Variants in PRKCQ observed in about 807,000 individuals in gnomAD.
PRKCQ encodes protein kinase C theta type.
PRKCQ carries 41 observed loss-of-function variants against 91.2 expected under a neutral mutation model. The ratio of observed to expected loss-of-function variants is 0.45; its 90% CI spans 0.35 to 0.58. PRKCQ has a LOEUF of 0.58. Ranked by LOEUF, PRKCQ falls within the 20% of genes least tolerant of loss-of-function variation. The probability of loss-of-function intolerance (pLI) is 0.00; values close to 1 mark genes in which losing one functional copy is unlikely to be tolerated. For missense variants in PRKCQ, 673 were observed against 896.5 expected, an observed-to-expected ratio of 0.75 and a Z score of 3.18; for synonymous variants, 307 against 316.9, an observed-to-expected ratio of 0.97 and a Z score of 0.33.
At chr10:6,455,032 T>A (rs1304352636) in intron 15 of PRKCQ, among the ~76,000 whole-genome samples, 8 of 151,998 alleles carry the variant, frequency 5.3e-5, no homozygotes, top group Non-Finnish European at 1.2e-4. Context: ...CACACCAAGG[T>A]GTTGCAAGGT....
chr10:6,563,530 C>T (rs898904706), intron 1 of PRKCQ, among the ~76,000 whole-genome samples: 19 of 152,298 alleles, frequency 1.2e-4, no homozygotes, highest in African/African-American at 4.6e-4. Context: ...GCTTTACTTT[C>T]TATGCTTGTT....
chr10:6,569,491 C>CG (rs963436270), intron 1 of PRKCQ, among the ~76,000 whole-genome samples: 1 of 152,052 alleles, frequency 6.6e-6, no homozygotes, highest in Admixed American at 6.6e-5. Flanking sequence ...GGCTTTATCC[C>CG]GGGGGCACTG....
At chr10:6,468,338 G>A (rs1252182445) in intron 12 of PRKCQ, among the ~76,000 whole-genome samples, 2 of 152,310 alleles carry the variant, frequency 1.3e-5, no homozygotes, top group South Asian at 2.1e-4. Context: ...CTTTTCAAAG[G>A]AGAGAATGAG....
chr10:6,493,766 A>T (rs1173738966), intron 7 of PRKCQ, among the ~76,000 whole-genome samples: 1 of 152,230 alleles, frequency 6.6e-6, no homozygotes, highest in Non-Finnish European at 1.5e-5. Flanking sequence ...TTTTAGTACC[A>T]GCTCTGCCAC....
At chr10:6,513,851 T>C (rs1241520254) in intron 2 of PRKCQ, among the ~76,000 whole-genome samples, 2 of 152,194 alleles carry the variant, frequency 1.3e-5, no homozygotes, top group Non-Finnish European at 2.9e-5. Context: ...TTTCTTCTTG[T>C]ATCTGCAAAT....
At chr10:6,462,428 C>T in intron 13 of PRKCQ, 63 bp from the exon 14 acceptor site, 2 of 1,471,038 alleles carry the variant, frequency 1.4e-6, no homozygotes, top group Non-Finnish European at 1.9e-6. Flanking sequence ...AAATCCCAAA[C>T]CCAGACTGAC....
At chr10:6,573,178 T>C (rs919020376) in intron 1 of PRKCQ, among the ~76,000 whole-genome samples, 6 of 152,248 alleles carry the variant, frequency 3.9e-5, no homozygotes, top group African/African-American at 1.4e-4. Flanking sequence ...ATTAATGTCA[T>C]TGCCCACTAG....
intron 4 of PRKCQ, among the ~76,000 whole-genome samples, chr10:6,501,774 A>G (rs543079870): frequency 4.6e-5 from 7 of 152,242 alleles, no homozygotes; most frequent in African/African-American, 1.4e-4. Flanking sequence ...CGGCGAGCCA[A>G]CATAGCACCA....
At chr10:6,436,966 G>T (rs1407303883) in intron 16 of PRKCQ, among the ~76,000 whole-genome samples, 1 of 152,172 alleles carries the variant, frequency 6.6e-6, no homozygotes, top group Non-Finnish European at 1.5e-5. Flanking sequence ...AAGCACAGGG[G>T]GAAGCTGGCA....
At chr10:6,474,103 G>A (rs1386600886) in intron 12 of PRKCQ, among the ~76,000 whole-genome samples, 2 of 152,206 alleles carry the variant, frequency 1.3e-5, no homozygotes, top group African/African-American at 4.8e-5. Flanking sequence ...TCTATGAATA[G>A]AAAGTGAAAC....
At chr10:6,451,804 T>C (rs570681778) in intron 15 of PRKCQ, among the ~76,000 whole-genome samples, 1 of 152,284 alleles carries the variant, frequency 6.6e-6, no homozygotes, top group East Asian at 1.9e-4. Context: ...ATCCAGCATA[T>C]AAACAGAGCC....
intron 8 of PRKCQ, among the ~76,000 whole-genome samples, chr10:6,490,550 A>C (rs1434159322): frequency 1.4e-5 from 2 of 139,306 alleles, no homozygotes; most frequent in Non-Finnish European, 3.1e-5. Context: ...ACATAGCAAG[A>C]CCATACCTCT....
rs12260151 is a variant in PRKCQ at position 6,437,796 on chromosome 10, C to T, written c.1836+4097G>A. Among the ~76,000 whole-genome samples the T allele has an allele frequency of 9.6e-3, 1,452 of 151,768 alleles. 14 individuals are homozygous for T. The highest frequency in any genetic ancestry group is 0.032 in the African/African-American group (1,345 of 41,482). On this transcript the variant is annotated intron_variant, in intron 16 of 17. Transcript: ENST00000263125. Reference sequence around the variant, plus strand: ...CCTCCCAAGTAGCTGGGACCACAGGCGCCCGCCACAACACCTGGCTAATTT... The same window carrying T: ...CCTCCCAAGTAGCTGGGACCACAGGTGCCCGCCACAACACCTGGCTAATTT...
intron 2 of PRKCQ, among the ~76,000 whole-genome samples, chr10:6,511,655 A>C (rs941389815): frequency 1.3e-5 from 2 of 152,204 alleles, no homozygotes; most frequent in Non-Finnish European, 2.9e-5. Flanking sequence ...GTAACTTTGT[A>C]TGAGAAAACA....
chr10:6,496,895 G>GA lies in PRKCQ; in HGVS notation c.660+139dup, dbSNP rs1837644260. 3.8e-6 allele frequency: 3 copies of GA among 792,266 alleles called. No individual in the cohort carries two copies. The South Asian group carries it at 4.9e-5, about 13-fold the overall frequency. 49.1% of individuals were successfully genotyped at this position (792,266 alleles called of 1,614,324 possible). A position where few individuals can be genotyped will look rare whatever the true frequency, so the allele number is the denominator to read the frequency against. ...TTCAGTAAGAATCATTATTGAAGAGGAAAGAGTTTTGGGGAGATGGATGTT... is the reference window on the plus strand; with the variant it reads ...TTCAGTAAGAATCATTATTGAAGAGGAAAAGAGTTTTGGGGAGATGGATGTT... On this transcript the variant is annotated intron_variant, in intron 7 of 17. Transcript: ENST00000263125.
intron 16 of PRKCQ, among the ~76,000 whole-genome samples, chr10:6,433,052 A>C (rs1833499756): frequency 6.6e-6 from 1 of 152,202 alleles, no homozygotes; most frequent in African/African-American, 2.4e-5. Flanking sequence ...ACCCTATCAT[A>C]CATCATTCAC....
chr10:6,575,796 C>G (rs1204341945), intron 1 of PRKCQ, among the ~76,000 whole-genome samples: 1 of 152,198 alleles, frequency 6.6e-6, no homozygotes, highest in Non-Finnish European at 1.5e-5. Context: ...AATCTCAGCA[C>G]TTTGGGAGGC....
chr10:6,546,187 A>G (rs1391327564), intron 1 of PRKCQ, among the ~76,000 whole-genome samples: 1 of 152,194 alleles, frequency 6.6e-6, no homozygotes, highest in Admixed American at 6.5e-5. Flanking sequence ...GATGGTGTAC[A>G]GGCCCTGATG....
chr10:6,456,922 C>T (rs576909715), intron 14 of PRKCQ, 110 bp from the exon 15 acceptor site: 25 of 1,138,448 alleles, frequency 2.2e-5, no homozygotes, highest in Middle Eastern at 2.4e-4. Flanking sequence ...GAGGGGCTCA[C>T]GAGAGGCGCT....
Sources: gnomAD v4.1 joint callset for allele counts (sites outside exome capture counted in the v4.1 genomes callset) on GRCh38, gnomAD v4.1.1 for gene constraint, MANE v1.5 for transcripts, NCBI Gene and HGNC (gene_info 2026-07-23, HGNC 2026-07-21) for gene names.